Variants in RARB observed in about 807,000 individuals in gnomAD.
RARB encodes the protein HBV-activated protein.
A neutral mutation model predicts 51.9 loss-of-function variants in RARB; 17 were observed. The ratio of observed to expected loss-of-function variants is 0.33; its 90% confidence interval spans 0.22 to 0.49. RARB has a LOEUF of 0.49. Among genes scored for constraint, RARB ranks in the 20% least tolerant of loss-of-function variants. The pLI is 0.99. For missense variants in RARB, 369 were observed against 550.8 expected, an observed-to-expected ratio of 0.67 and a Z score of 3.30; for synonymous variants, 215 against 195.4, an observed-to-expected ratio of 1.10 and a Z score of -0.84.
At chr3:25,426,315 T>C (rs910258222), upstream of RARB, among the ~76,000 whole-genome samples, 2 of 152,202 alleles carry the variant, frequency 1.3e-5, no homozygotes, top group African/African-American at 4.8e-5. Context: ...GGCGCAAAAA[T>C]AACAAACACA....
chr3:25,124,861 C>G (rs116698427), intron 3 of RARB, among the ~76,000 whole-genome samples: 1 of 152,088 alleles, frequency 6.6e-6, no homozygotes, highest in Non-Finnish European at 1.5e-5. Flanking sequence ...TTCTATGTTC[C>G]TTATGTATTT....
chr3:25,041,503 A>C (rs550883815), intron 2 of RARB, among the ~76,000 whole-genome samples: 1 of 151,966 alleles, frequency 6.6e-6, no homozygotes, highest in African/African-American at 2.4e-5. Flanking sequence ...GGAGGAAGAC[A>C]TTAGGGAACA....
At chr3:24,952,349 T>G (rs1431387454) in intron 2 of RARB, among the ~76,000 whole-genome samples, 1 of 152,180 alleles carries the variant, frequency 6.6e-6, no homozygotes, top group African/African-American at 2.4e-5. Flanking sequence ...CCCCAACTTT[T>G]ATACCACCCA....
chr3:25,077,381 G>A (rs1032803507), intron 3 of RARB, among the ~76,000 whole-genome samples: 4 of 152,096 alleles, frequency 2.6e-5, no homozygotes, highest in African/African-American at 9.7e-5. Context: ...CCTACAGACT[G>A]TGAGTCAACC....
chr3:25,252,823 G>T (rs1424989594), intron 5 of RARB, among the ~76,000 whole-genome samples: 1 of 152,054 alleles, frequency 6.6e-6, no homozygotes, highest in East Asian at 1.9e-4. Flanking sequence ...CAGTCTAATT[G>T]ATGAAAGCCC....
intron 2 of RARB, among the ~76,000 whole-genome samples, chr3:24,883,560 A>C (rs765128750): frequency 6.6e-6 from 1 of 152,180 alleles, no homozygotes. Context: ...GCAAAAAATC[A>C]TCAAACCATC....
intron 4 of RARB, among the ~76,000 whole-genome samples, chr3:25,578,790 C>T (rs1701052691): frequency 6.6e-6 from 1 of 152,230 alleles, no homozygotes. Flanking sequence ...TTCTTTCTGG[C>T]TTTCCATGCA....
chr3:25,001,277 A>G (rs530971384), intron 2 of RARB, among the ~76,000 whole-genome samples: 90 of 152,302 alleles, frequency 5.9e-4, no homozygotes, highest in African/African-American at 2.1e-3. Flanking sequence ...TTTTATTTCT[A>G]AAGAAATACA....
At chr3:25,131,426 T>C (rs1183227756) in intron 3 of RARB, among the ~76,000 whole-genome samples, 5 of 152,144 alleles carry the variant, frequency 3.3e-5, no homozygotes, top group African/African-American at 9.6e-5. Context: ...TTTAAACATT[T>C]TGATCAGATG....
chr3:25,163,760 A>G (rs939601529), intron 4 of RARB, among the ~76,000 whole-genome samples: 1 of 152,086 alleles, frequency 6.6e-6, no homozygotes, highest in East Asian at 1.9e-4. Flanking sequence ...CCAAAGTCAC[A>G]GGCATACTTC....
chr3:25,331,978 G>A (rs900815846), intron 5 of RARB, among the ~76,000 whole-genome samples: 9 of 152,192 alleles, frequency 5.9e-5, no homozygotes, highest in African/African-American at 2.2e-4. Flanking sequence ...AAACCAGGAA[G>A]AATTTGAGTC....
At position 25,501,228 on chromosome 3, in the gene RARB, A is replaced by G. The variant is rs1245358853; in HGVS notation, c.353A>G (p.His118Arg). 5.6e-6 allele frequency: 9 copies of G among 1,609,826 alleles called. No individual in the cohort carries two copies. The highest frequency in any genetic ancestry group is 7.6e-6 in the Non-Finnish European group (9 of 1,178,794). ...CAGAAGAATATGATTTACACTTGTCACCGAGATAAGAACTGTGTTATTAAT... is the reference window on the plus strand; with the variant it reads ...CAGAAGAATATGATTTACACTTGTCGCCGAGATAAGAACTGTGTTATTAAT... ...SIQKNMIYTC[H>R]RDKNCVINKV... Residue 118 changes from histidine (H) to arginine (R), a missense_variant, in exon 3 of 8, where the codon CAC becomes CGC. Physicochemically the swap from His to Arg is conservative, Grantham distance 29. This residue lies in a region of RARB where 26 missense variants were observed against 28.8 expected (regional missense o/e 0.90). Coordinates refer to ENST00000330688, the MANE Select transcript of RARB (RefSeq NM_000965.5).
At chr3:25,398,300 C>T (rs926415530) in intron 5 of RARB, among the ~76,000 whole-genome samples, 3 of 152,178 alleles carry the variant, frequency 2.0e-5, no homozygotes, top group African/African-American at 4.8e-5. Flanking sequence ...ACATAAACAC[C>T]CTGGATGCTC....
intron 1 of RARB, among the ~76,000 whole-genome samples, chr3:24,846,873 A>G (rs1702491682): frequency 6.6e-6 from 1 of 151,936 alleles, no homozygotes; most frequent in Non-Finnish European, 1.5e-5. Context: ...AAAATTGGAA[A>G]AAAAAAAAAA....
chr3:24,871,391 G>A (rs377401203), intron 2 of RARB, among the ~76,000 whole-genome samples: 31 of 152,048 alleles, frequency 2.0e-4, no homozygotes, highest in African/African-American at 5.8e-4. Flanking sequence ...GACAAACGTC[G>A]TTAGTCCTTC....
intron 5 of RARB, among the ~76,000 whole-genome samples, chr3:25,186,208 C>T (rs1700970870): frequency 6.6e-6 from 1 of 152,060 alleles, no homozygotes; most frequent in African/African-American, 2.4e-5. Flanking sequence ...ATATCAACCT[C>T]ATATTGGTGA....
At chr3:25,010,929 T>A (rs1283559269) in intron 2 of RARB, among the ~76,000 whole-genome samples, 1 of 152,180 alleles carries the variant, frequency 6.6e-6, no homozygotes, top group Non-Finnish European at 1.5e-5. Context: ...CTTGTCTCAA[T>A]GTGACCATCG....
chr3:25,090,834 C>G (rs1269116065), intron 3 of RARB, among the ~76,000 whole-genome samples: 1 of 152,152 alleles, frequency 6.6e-6, no homozygotes, highest in African/African-American at 2.4e-5. Flanking sequence ...CAACAACCGT[C>G]TCTTGTTCAA....
intron 2 of RARB, among the ~76,000 whole-genome samples, chr3:24,909,563 C>CT (rs1304213068): frequency 0.032 from 4,546 of 140,738 alleles, 141 homozygotes; most frequent in African/African-American, 0.084. Flanking sequence ...TTTTCTTCAT[C>CT]TTTTTTTTTT....
Sources: allele counts gnomAD v4.1 joint callset (sites outside exome capture counted in the v4.1 genomes callset), GRCh38; gene constraint gnomAD v4.1.1; regional missense constraint gnomAD v4.1.1; transcripts MANE v1.5; gene names NCBI Gene and HGNC (gene_info 2026-07-23, HGNC 2026-07-21).